PHTF2: variants seen among roughly 807,000 people sequenced by gnomAD.
PHTF2 encodes the protein protein PHTF2.
PHTF2 carries 60 observed loss-of-function variants against 101.2 expected under a neutral mutation model. The ratio of observed to expected loss-of-function variants is 0.59; its 90% CI spans 0.48 to 0.73. The LOEUF (loss-of-function observed/expected upper bound fraction) is 0.73, where lower values mean the gene tolerates loss of function less well. PHTF2 is among the 30% of genes least tolerant of loss of function. The pLI, the probability that PHTF2 is intolerant of heterozygous loss-of-function variation, is 0.00. For missense variants in PHTF2, 747 were observed against 908.7 expected (o/e 0.82, Z 2.29); for synonymous variants, 311 against 307.3 (o/e 1.01, Z -0.13).
intron 12 of PHTF2, among the ~76,000 whole-genome samples, chr7:77,930,047 A>G (rs1804422687): frequency 1.4e-5 from 2 of 143,714 alleles, no homozygotes; most frequent in Admixed American, 1.5e-4. Flanking sequence ...TTCGCCTCCC[A>G]GGTTCCAGCG....
At chr7:77,861,979 C>T (rs1241735623) in intron 3 of PHTF2, among the ~76,000 whole-genome samples, 5 of 151,798 alleles carry the variant, frequency 3.3e-5, no homozygotes, top group Non-Finnish European at 7.4e-5. Context: ...ATCGCTTGAA[C>T]CTGGAAAGCG....
At chr7:77,917,376 T>C (rs1803025502) in intron 9 of PHTF2, among the ~76,000 whole-genome samples, 3 of 152,222 alleles carry the variant, frequency 2.0e-5, no homozygotes, top group Admixed American at 2.0e-4. Context: ...GATACACTTG[T>C]TGCGATTGGG....
chr7:77,940,772 T>A, intron 15 of PHTF2, 113 bp downstream of exon 14: 1 of 682,916 alleles, frequency 1.5e-6, no homozygotes, highest in Non-Finnish European at 2.3e-6. Context: ...TTTTACTCAT[T>A]CAAAAACTGG....
At chr7:77,812,187 A>G (rs775166721) in intron 1 of PHTF2, among the ~76,000 whole-genome samples, 74 of 152,230 alleles carry the variant, frequency 4.9e-4, no homozygotes, top group Admixed American at 1.8e-3. Flanking sequence ...TAGTCTGGAA[A>G]AAGATTAATG....
chr7:77,812,936 C>T lies in PHTF2; in HGVS notation c.-36+13965C>T, dbSNP rs531545312. Reference sequence around the variant, plus strand: ...ATTGGATATTTATAATGCAGAGTAACGTGTTAAAAGGCTCTAACAAGTCCT... The same window carrying T: ...ATTGGATATTTATAATGCAGAGTAATGTGTTAAAAGGCTCTAACAAGTCCT... On this transcript the variant is annotated intron_variant, in intron 1 of 19. Coordinates refer to ENST00000416283, the Ensembl canonical transcript of PHTF2. Among the ~76,000 whole-genome samples, 84 of 152,216 alleles carry T rather than the reference C, an allele frequency of 5.5e-4. 1 individual carries two copies. The South Asian group carries it at 0.016, about 29-fold the overall frequency.
chr7:77,852,452 C>G (rs958415126), intron 2 of PHTF2, among the ~76,000 whole-genome samples: 2 of 152,154 alleles, frequency 1.3e-5, no homozygotes, highest in African/African-American at 2.4e-5. Flanking sequence ...AAACTGATGA[C>G]AACTTAATAC....
intron 2 of PHTF2, among the ~76,000 whole-genome samples, chr7:77,850,881 T>C (rs921627601): frequency 2.6e-5 from 4 of 152,168 alleles, no homozygotes; most frequent in African/African-American, 9.7e-5. Context: ...GGGATGTTGA[T>C]TGATTTTGTC....
intron 17 of PHTF2, among the ~76,000 whole-genome samples, chr7:77,950,538 G>A (rs764220526): frequency 6.6e-6 from 1 of 152,148 alleles, no homozygotes. Context: ...GTGCGTGCCT[G>A]TAATCCCAGC....
At chr7:77,857,568 A>G (rs1797287322) in intron 3 of PHTF2, among the ~76,000 whole-genome samples, 1 of 152,244 alleles carries the variant, frequency 6.6e-6, no homozygotes, top group Non-Finnish European at 1.5e-5. Context: ...CATGAAATAT[A>G]AATCAGCCTG....
At chr7:77,807,937 T>G (rs1793124833) in intron 1 of PHTF2, among the ~76,000 whole-genome samples, 1 of 152,168 alleles carries the variant, frequency 6.6e-6, no homozygotes, top group South Asian at 2.1e-4. Context: ...CAGTACCATT[T>G]TTTGAAGAGA....
At chr7:77,856,691 C>T (rs1797212535) in intron 3 of PHTF2, among the ~76,000 whole-genome samples, 1 of 151,698 alleles carries the variant, frequency 6.6e-6, no homozygotes, top group African/African-American at 2.4e-5. Context: ...ACTTTTTTTT[C>T]CTTGCCGTTA....
intron 3 of PHTF2, among the ~76,000 whole-genome samples, chr7:77,881,001 A>T (rs1040230485): frequency 1.3e-5 from 2 of 152,030 alleles, no homozygotes; most frequent in African/African-American, 4.8e-5. Flanking sequence ...TATCCCTCCA[A>T]TCACTCTCTC....
At chr7:77,823,345 C>G (rs1312319655) in intron 1 of PHTF2, among the ~76,000 whole-genome samples, 1 of 152,092 alleles carries the variant, frequency 6.6e-6, no homozygotes, top group African/African-American at 2.4e-5. Context: ...CTCAGCCTCC[C>G]GAGTAGTTGG....
At chr7:77,944,016 TAAAA>T (rs1013566641) in intron 16 of PHTF2, among the ~76,000 whole-genome samples, 2 of 144,214 alleles carry the variant, frequency 1.4e-5, no homozygotes, top group East Asian at 2.0e-4. Flanking sequence ...AACAAACAAA[TAAAA>T]AAAAAAATCA....
chr7:77,848,861 C>A (rs1376711905), intron 2 of PHTF2, among the ~76,000 whole-genome samples: 1 of 152,050 alleles, frequency 6.6e-6, no homozygotes, highest in Non-Finnish European at 1.5e-5. Context: ...AATATTTAAT[C>A]AATTTTGATT....
At chr7:77,811,594 A>G (rs1225112335) in intron 1 of PHTF2, among the ~76,000 whole-genome samples, 2 of 152,190 alleles carry the variant, frequency 1.3e-5, no homozygotes, top group African/African-American at 4.8e-5. Flanking sequence ...TTATTCACTT[A>G]CTTATTCATA....
chr7:77,799,589 C>G (rs116686352), intron 1 of PHTF2, among the ~76,000 whole-genome samples: 3,149 of 152,300 alleles, frequency 0.021, 90 homozygotes, highest in African/African-American at 0.071. Flanking sequence ...GAAACAATAC[C>G]GTGCTCCATC....
chr7:77,937,655 CATTTT>C (rs891443113), intron 12 of PHTF2, 50 bp from the exon 12 acceptor site: 36 of 633,608 alleles, frequency 5.7e-5, no homozygotes, highest in African/African-American at 4.3e-4. Flanking sequence ...TATATACACA[CATTTT>C]ATTTATTAAA....
chr7:77,899,906 A>G (rs1173606208), intron 5 of PHTF2, among the ~76,000 whole-genome samples: 8 of 151,244 alleles, frequency 5.3e-5, no homozygotes, highest in African/African-American at 1.7e-4. Flanking sequence ...TCTCTTTTTT[A>G]TTTTTATTTT....
Sources: gnomAD v4.1 joint callset for allele counts (sites outside exome capture counted in the v4.1 genomes callset) on GRCh38, gnomAD v4.1.1 for gene constraint, MANE v1.5 for transcripts, NCBI Gene and HGNC (gene_info 2026-07-23, HGNC 2026-07-21) for gene names.